IL23R: variants seen among roughly 807,000 people sequenced by gnomAD.
IL23R encodes the protein interleukin 23 receptor, also known as interleukin-23 receptor.
In IL23R, 34 loss-of-function variants were observed where a neutral mutation model predicts 56.9. That is an observed-to-expected ratio of 0.60 (90% CI 0.45 to 0.80). The LOEUF (loss-of-function observed/expected upper bound fraction) is 0.80. IL23R is among the 30% of genes least tolerant of loss of function. The pLI is 0.00. For missense variants in IL23R, 635 were observed against 730.0 expected (o/e 0.87, Z 1.50); for synonymous variants, 230 against 249.2 (o/e 0.92, Z 0.73).
At chr1:67,243,642 T>A (rs1481124588) in intron 9 of IL23R, among the ~76,000 whole-genome samples, 1 of 152,186 alleles carries the variant, frequency 6.6e-6, no homozygotes, top group Non-Finnish European at 1.5e-5. Flanking sequence ...CATGAACTCA[T>A]CCTTTTTTAT....
rs78449737 is a variant in IL23R at position 67,145,476 on chromosome 1, G to T, written c.-634+6315G>T. 5.7e-4 allele frequency among the ~76,000 whole-genome samples: 87 copies of T among 152,288 alleles called. 1 individual carries two copies. The East Asian group carries it at 0.015, about 26-fold the overall frequency. On this transcript the variant is annotated intron_variant, in intron 1 of 10. Coordinates refer to the IL23R transcript ENST00000637002. ...CTAATTTAATTATCAAAAGAAGCCT[G>T]TTTTCTGTGCTCCTGTGCCCTCTTC...
At chr1:67,171,019 C>T (rs540619492) in intron 3 of IL23R, among the ~76,000 whole-genome samples, 1 of 152,270 alleles carries the variant, frequency 6.6e-6, no homozygotes, top group Non-Finnish European at 1.5e-5. Flanking sequence ...GCTAAACTTG[C>T]CCTAAATTGT....
upstream of IL23R, among the ~76,000 whole-genome samples, chr1:67,163,789 G>A (rs528655778): frequency 7.2e-5 from 11 of 152,166 alleles, no homozygotes; most frequent in South Asian, 2.1e-4. Context: ...GAAGCCAGGC[G>A]GATGTTGGTG....
chr1:67,206,079 C>T (rs1243400011), intron 5 of IL23R, among the ~76,000 whole-genome samples: 1 of 151,722 alleles, frequency 6.6e-6, no homozygotes, highest in Non-Finnish European at 1.5e-5. Flanking sequence ...GTGGCATGAT[C>T]TCAGCTCACT....
At chr1:67,251,253 C>A (rs1652589415) in intron 9 of IL23R, among the ~76,000 whole-genome samples, 1 of 152,094 alleles carries the variant, frequency 6.6e-6, no homozygotes, top group South Asian at 2.1e-4. Context: ...CAGATCGAGA[C>A]CATCCTGGCT....
At chr1:67,248,320 T>G (rs1214566542) in intron 9 of IL23R, among the ~76,000 whole-genome samples, 1 of 152,210 alleles carries the variant, frequency 6.6e-6, no homozygotes, top group Non-Finnish European at 1.5e-5. Flanking sequence ...TTCTTTTCAT[T>G]CTTTTTTCTC....
chr1:67,179,246 C>G (rs1647055244), intron 3 of IL23R, among the ~76,000 whole-genome samples: 1 of 152,134 alleles, frequency 6.6e-6, no homozygotes, highest in African/African-American at 2.4e-5. Context: ...CCATCTGGTC[C>G]TGGACTTTTT....
intron 1 of IL23R, among the ~76,000 whole-genome samples, chr1:67,146,225 C>T (rs2102527836): frequency 6.6e-6 from 1 of 152,310 alleles, no homozygotes; most frequent in South Asian, 2.1e-4. Flanking sequence ...TTCATGTGAT[C>T]ATGTCTTATG....
chr1:67,147,685 C>T (rs1250147804), intron 1 of IL23R, among the ~76,000 whole-genome samples: 2 of 151,870 alleles, frequency 1.3e-5, no homozygotes, highest in African/African-American at 4.8e-5. Flanking sequence ...GCCTGGGCGA[C>T]AGAGCAGACT....
At chr1:67,162,599 C>G (rs1004388030), upstream of IL23R, among the ~76,000 whole-genome samples, 1 of 152,174 alleles carries the variant, frequency 6.6e-6, no homozygotes, top group African/African-American at 2.4e-5. Flanking sequence ...TTCTGAGTAT[C>G]CCAGCATGGG....
At chr1:67,149,879 G>T (rs1558215839) in intron 1 of IL23R, among the ~76,000 whole-genome samples, 1 of 152,086 alleles carries the variant, frequency 6.6e-6, no homozygotes. Flanking sequence ...ATAGTTTCAT[G>T]GTATATACAG....
intron 8 of IL23R, among the ~76,000 whole-genome samples, chr1:67,239,799 T>A (rs567994602): frequency 6.6e-6 from 1 of 152,168 alleles, no homozygotes; most frequent in Non-Finnish European, 1.5e-5. Context: ...AAAATCAGTA[T>A]GATTGTAACC....
chr1:67,262,698 A>G (rs1653229918), downstream of IL23R, among the ~76,000 whole-genome samples: 1 of 152,096 alleles, frequency 6.6e-6, no homozygotes, highest in Non-Finnish European at 1.5e-5. Flanking sequence ...CTTTCTATCT[A>G]GCTCTTGTGT....
At chr1:67,241,355 C>A (rs1458217466) in intron 9 of IL23R, among the ~76,000 whole-genome samples, 2 of 152,172 alleles carry the variant, frequency 1.3e-5, no homozygotes, top group African/African-American at 4.8e-5. Flanking sequence ...GTTCTAGGAT[C>A]TATGTGTTTC....
chr1:67,222,593 C>A (rs376734399), intron 7 of IL23R, among the ~76,000 whole-genome samples: 3 of 152,190 alleles, frequency 2.0e-5, no homozygotes, highest in Middle Eastern at 3.4e-3. Flanking sequence ...CAAGATTATG[C>A]AAATTGATAA....
At chr1:67,146,239 A>G (rs1330114323) in intron 1 of IL23R, among the ~76,000 whole-genome samples, 1 of 152,200 alleles carries the variant, frequency 6.6e-6, no homozygotes, top group Non-Finnish European at 1.5e-5. Context: ...TCTTATGTGC[A>G]TGCAATATCA....
intron 4 of IL23R, among the ~76,000 whole-genome samples, chr1:67,183,957 G>A (rs189261036): frequency 1.1e-3 from 161 of 152,324 alleles, no homozygotes; most frequent in Non-Finnish European, 1.7e-3. Flanking sequence ...TTCCAGGCCA[G>A]GCATAGTGGC....
At chr1:67,216,132 G>A (rs1051456581) in intron 6 of IL23R, among the ~76,000 whole-genome samples, 3 of 152,048 alleles carry the variant, frequency 2.0e-5, no homozygotes, top group Non-Finnish European at 2.9e-5. Context: ...TCCCAGTTGC[G>A]AACGGCAATC....
rs552643057 is a variant in IL23R, at chr1:67,259,899, G to A, written c.*771G>A. 1 of 143,514 alleles carries A rather than the reference G, an allele frequency of 7.0e-6. No individual in the cohort carries two copies. Among genetic ancestry groups the A allele is most frequent in the East Asian group, 2.4e-4 (1 of 4,242 alleles). The allele number at this position is 143,514 out of a possible 1,614,324, so 8.9% of individuals were successfully genotyped here. A position where few individuals can be genotyped will look rare whatever the true frequency, so the allele number is the denominator to read the frequency against. ...GAATCACTTGAACCAGGAAGGCAGA[G>A]GTTGCACTGAGCTGAGATTGTGCCA... On this transcript the variant is annotated 3_prime_UTR_variant, in exon 11 of 11. Coordinates refer to ENST00000347310, the MANE Select transcript of IL23R (RefSeq NM_144701.3).
Sources: gnomAD v4.1 joint callset for allele counts (sites outside exome capture counted in the v4.1 genomes callset) on GRCh38, gnomAD v4.1.1 for gene constraint, MANE v1.5 for transcripts, NCBI Gene and HGNC (gene_info 2026-07-23, HGNC 2026-07-21) for gene names.